PDE4B: variants seen among roughly 807,000 people sequenced by gnomAD.
The protein encoded by PDE4B is phosphodiesterase 4B.
Under a neutral mutation model 82.2 loss-of-function variants are expected in PDE4B, and 20 were observed. That is an observed-to-expected ratio of 0.24 (90% CI 0.17 to 0.35). The LOEUF is 0.35. PDE4B is among the 10% of genes least tolerant of loss of function. PDE4B has a pLI of 1.00. For synonymous variants in PDE4B, 320 were observed against 318.9 expected (o/e 1.00, Z -0.04); for missense variants, 655 against 907.2 (o/e 0.72, Z 3.57).
intron 3 of PDE4B, among the ~76,000 whole-genome samples, chr1:66,131,899 A>G (rs1645958481): frequency 6.6e-6 from 1 of 151,920 alleles, no homozygotes; most frequent in African/African-American, 2.4e-5. Flanking sequence ...GGTTTCAACC[A>G]CTTCAGGATC....
At chr1:65,887,425 T>TTG (rs1646803108) in intron 1 of PDE4B, among the ~76,000 whole-genome samples, 1 of 71,704 alleles carries the variant, frequency 1.4e-5, no homozygotes, top group African/African-American at 6.7e-5. Context: ...TTTTTTTTTT[T>TTG]TTTTTTTTTT....
At chr1:66,147,312 C>T (rs1179342478) in intron 3 of PDE4B, among the ~76,000 whole-genome samples, 1 of 152,168 alleles carries the variant, frequency 6.6e-6, no homozygotes, top group East Asian at 1.9e-4. Context: ...GCCCACCTAA[C>T]AGCCCCGTAA....
chr1:65,806,337 A>T (rs1421579987), intron 1 of PDE4B, among the ~76,000 whole-genome samples: 1 of 152,238 alleles, frequency 6.6e-6, no homozygotes, highest in Non-Finnish European at 1.5e-5. Context: ...ATGTATGACT[A>T]AGAAAAAATA....
intron 8 of PDE4B, among the ~76,000 whole-genome samples, chr1:66,339,215 T>C (rs1285009380): frequency 6.6e-6 from 1 of 152,218 alleles, no homozygotes; most frequent in Non-Finnish European, 1.5e-5. Context: ...CCTTGGGCAT[T>C]GTCTTCAAAT....
intron 3 of PDE4B, among the ~76,000 whole-genome samples, chr1:65,944,200 A>G (rs1229050413): frequency 1.3e-5 from 2 of 151,762 alleles, no homozygotes; most frequent in Non-Finnish European, 2.9e-5. Context: ...ATTATGGAAG[A>G]TTTTTGAATT....
At chr1:65,979,497 G>T (rs1015473833) in intron 3 of PDE4B, among the ~76,000 whole-genome samples, 4 of 152,210 alleles carry the variant, frequency 2.6e-5, no homozygotes, top group Non-Finnish European at 4.4e-5. Flanking sequence ...TCTGCTTATG[G>T]AAGGTCAGGC....
At chr1:66,174,707 G>A (rs996424613) in intron 3 of PDE4B, among the ~76,000 whole-genome samples, 2 of 151,960 alleles carry the variant, frequency 1.3e-5, no homozygotes, top group African/African-American at 4.8e-5. Context: ...AGTGAGCCGA[G>A]ATTGCACTCC....
chr1:66,096,518 A>ATATATATG (rs1557557854), intron 3 of PDE4B, among the ~76,000 whole-genome samples: 11 of 137,602 alleles, frequency 8.0e-5, no homozygotes, highest in Admixed American at 3.6e-4. Context: ...TTATATATAT[A>ATATATATG]TATATATATA....
intron 3 of PDE4B, among the ~76,000 whole-genome samples, chr1:66,115,385 C>A (rs765764112): frequency 6.6e-6 from 1 of 152,116 alleles, no homozygotes; most frequent in Non-Finnish European, 1.5e-5. Flanking sequence ...AATATTGAGA[C>A]TCACTATGAT....
chr1:66,072,061 C>T (rs1371260227), intron 3 of PDE4B, among the ~76,000 whole-genome samples: 1 of 152,062 alleles, frequency 6.6e-6, no homozygotes, highest in African/African-American at 2.4e-5. Flanking sequence ...ACACCTTCAT[C>T]TCTCTTAATC....
In PDE4B at chr1:65,798,549, C is replaced by T. The variant is rs1274815131; in HGVS notation, c.-71+5301C>T. On this transcript the variant is annotated intron_variant, in intron 1 of 16. Coordinates refer to ENST00000341517, the MANE Select transcript of PDE4B (RefSeq NM_002600.4). The stretch of plus-strand genomic sequence containing the variant: ...CTGGGATTACAGGCGTGAGCCACCG[C>T]GCCCGGCCGTGCCAGGCTAGTCTTG... 2.7e-4 allele frequency among the ~76,000 whole-genome samples: 10 copies of T among 36,698 alleles called. 4 individuals are homozygous for T. The highest frequency in any genetic ancestry group is 1.9e-3 in the African/African-American group (4 of 2,120). The allele number at this position is 36,698 out of a possible 152,430, so 24.1% of individuals were successfully genotyped here.
chr1:66,177,984 A>G (rs1417708131), intron 3 of PDE4B, among the ~76,000 whole-genome samples: 1 of 152,086 alleles, frequency 6.6e-6, no homozygotes, highest in African/African-American at 2.4e-5. Context: ...ATTATAATTC[A>G]CATTTTAAGA....
At chr1:66,232,514 T>A (rs957812153) in intron 3 of PDE4B, among the ~76,000 whole-genome samples, 3 of 152,154 alleles carry the variant, frequency 2.0e-5, no homozygotes, top group Non-Finnish European at 2.9e-5. Context: ...TATATCATGA[T>A]AAAAGCTTGA....
rs1036662856 is a variant in PDE4B at position 65,993,269 on chromosome 1, T to TG, written c.281+74436dup. On this transcript the variant is annotated intron_variant, in intron 3 of 16. Coordinates refer to ENST00000341517, the MANE Select transcript of PDE4B (RefSeq NM_002600.4). ...AAACATACTGCAAGTGTGAAATGAATGGAGACCAGGTCAGATGAAGAGTAC... is the reference window on the plus strand; with the variant it reads ...AAACATACTGCAAGTGTGAAATGAATGGGAGACCAGGTCAGATGAAGAGTAC... The TG allele has an allele frequency of 4.5e-6, 3 of 669,666 alleles. No homozygotes were observed. In the African/African-American group the frequency reaches 5.4e-5, roughly 12 times the overall value. 41.5% of individuals were successfully genotyped at this position (669,666 alleles called of 1,614,324 possible).
intron 3 of PDE4B, among the ~76,000 whole-genome samples, chr1:65,949,453 G>T (rs1648882931): frequency 6.6e-6 from 1 of 152,058 alleles, no homozygotes; most frequent in Non-Finnish European, 1.5e-5. Flanking sequence ...TGGGGCTCTT[G>T]CCAGGGCATT....
At chr1:66,105,163 G>T (rs1243509854) in intron 3 of PDE4B, among the ~76,000 whole-genome samples, 33 of 151,054 alleles carry the variant, frequency 2.2e-4, no homozygotes, top group South Asian at 1.3e-3. Context: ...CATATGGCTA[G>T]CCAGTTTTCC....
chr1:66,255,229 C>G (rs1455100339), intron 4 of PDE4B, among the ~76,000 whole-genome samples: 1 of 152,036 alleles, frequency 6.6e-6, no homozygotes, highest in East Asian at 1.9e-4. Context: ...GGATTACAGG[C>G]ATGTACCACC....
At chr1:66,085,168 C>T (rs1656942844) in intron 3 of PDE4B, among the ~76,000 whole-genome samples, 1 of 152,172 alleles carries the variant, frequency 6.6e-6, no homozygotes, top group African/African-American at 2.4e-5. Flanking sequence ...TACCCAGGAC[C>T]TCCTGAGTCA....
chr1:66,104,237 T>A (rs1490264632), intron 3 of PDE4B, among the ~76,000 whole-genome samples: 1 of 152,046 alleles, frequency 6.6e-6, no homozygotes, highest in African/African-American at 2.4e-5. Flanking sequence ...TGATTTCCAA[T>A]TTCATCCATG....
Sources: gnomAD v4.1 joint callset for allele counts (sites outside exome capture counted in the v4.1 genomes callset) on GRCh38, gnomAD v4.1.1 for gene constraint, MANE v1.5 for transcripts, NCBI Gene and HGNC (gene_info 2026-07-23, HGNC 2026-07-21) for gene names.